The following BCLAF1 variants were observed in gnomAD, a reference collection of about 807,000 sequenced individuals.
The protein encoded by BCLAF1 is BCL2 associated transcription factor 1.
In BCLAF1, 10 loss-of-function variants were observed where a neutral mutation model predicts 99.5. The ratio of observed to expected loss-of-function variants is 0.10; its 90% CI spans 0.06 to 0.17. The LOEUF is 0.17. Among genes scored for constraint, BCLAF1 ranks in the 10% least tolerant of loss-of-function variants. The pLI is 1.00. For missense variants in BCLAF1, 636 were observed against 1,105.8 expected (o/e 0.58, Z 6.02); for synonymous variants, 255 against 370.9 (o/e 0.69, Z 3.59).
chr6:136,259,709 A>G lies in BCLAF1; in HGVS notation c.*1401T>C, dbSNP rs375793599. On this transcript the variant is annotated 3_prime_UTR_variant, in exon 13 of 13. Transcript: ENST00000531224. Reference sequence around the variant, plus strand: ...GTGCTAGACGCACTGCAAATCCTCGAAAGTGTTTAAGATGAAAGAGCAATA... The same window carrying G: ...GTGCTAGACGCACTGCAAATCCTCGGAAGTGTTTAAGATGAAAGAGCAATA... 9.2e-5 allele frequency: 14 copies of G among 152,170 alleles called. No homozygotes were observed. The East Asian group carries it at 1.5e-3, about 17-fold the overall frequency. The allele number at this position is 152,170 out of a possible 1,614,324, so 9.4% of individuals were successfully genotyped here. A position where few individuals can be genotyped will look rare whatever the true frequency, so the allele number is the denominator to read the frequency against.
At chr6:136,275,062 A>G (rs1554217302) in intron 6 of BCLAF1, among the ~76,000 whole-genome samples, 10 of 152,050 alleles carry the variant, frequency 6.6e-5, no homozygotes, top group Non-Finnish European at 2.9e-5. Flanking sequence ...AAGCGCAAAA[A>G]AAGTGTTTTT....
In BCLAF1 at chr6:136,267,105, T is replaced by G. The variant is rs1781818106; in HGVS notation, c.2468A>C (p.Asn823Thr). The G allele has an allele frequency of 6.2e-7, 1 of 1,613,322 alleles. No homozygotes were observed. The highest frequency in any genetic ancestry group is 8.5e-7 in the Non-Finnish European group (1 of 1,179,432). Residue 823 changes from asparagine (N) to threonine (T), a missense_variant, in exon 11 of 13, where the codon AAT becomes ACT. Transcript: ENST00000531224. ...AGTNTGPNNS[N>T]TTFQKRPKEE... ...CTTCGGTCTCTTTTGAAAAGTAGTATTTGAGTTGTTTGGACCAGTATTTGT... is the reference window on the plus strand; with the variant it reads ...CTTCGGTCTCTTTTGAAAAGTAGTAGTTGAGTTGTTTGGACCAGTATTTGT...
intron 1 of BCLAF1, among the ~76,000 whole-genome samples, chr6:136,285,305 T>C (rs1308495142): frequency 6.6e-6 from 1 of 152,182 alleles, no homozygotes; most frequent in Non-Finnish European, 1.5e-5. Context: ...GGGTGTGAAG[T>C]ACAGAGAGTG....
At chr6:136,266,572 ATCT>A (rs1018608950) in intron 11 of BCLAF1, among the ~76,000 whole-genome samples, 5 of 152,074 alleles carry the variant, frequency 3.3e-5, no homozygotes, top group African/African-American at 7.2e-5. Context: ...ATTTTTCATC[ATCT>A]TTTTTCTCCA....
chr6:136,270,647 G>A (rs894186091), intron 8 of BCLAF1, among the ~76,000 whole-genome samples: 3 of 151,794 alleles, frequency 2.0e-5, no homozygotes, highest in African/African-American at 7.2e-5. Flanking sequence ...ACAAGATAAT[G>A]TAAATGAAAC....
At chr6:136,266,269 T>C (rs1363264877) in intron 11 of BCLAF1, among the ~76,000 whole-genome samples, 4 of 152,072 alleles carry the variant, frequency 2.6e-5, no homozygotes, top group Non-Finnish European at 4.4e-5. Context: ...TCTTCCTCCA[T>C]GGAAGGAACT....
rs36141174 is a variant in BCLAF1 at position 136,284,130 on chromosome 6, G to GTGTA, written c.-114-1444_-114-1443insTACA. 8.4e-3 allele frequency among the ~76,000 whole-genome samples: 1,024 copies of GTGTA among 122,090 alleles called. 6 individuals carry two copies. Among genetic ancestry groups the GTGTA allele is most frequent in the African/African-American group, 0.022 (544 of 24,560 alleles). The allele number at this position is 122,090 out of a possible 152,430, so 80.1% of individuals were successfully genotyped here. On this transcript the variant is annotated intron_variant, in intron 1 of 12. Coordinates refer to ENST00000531224, the MANE Select transcript of BCLAF1 (RefSeq NM_014739.3). ...TATACATATATATGTGTGTGTGTGTGTATATATATATATATATATATATAT... is the reference window on the plus strand; with the variant it reads ...TATACATATATATGTGTGTGTGTGTGTGTATATATATATATATATATATATATAT...
chr6:136,268,112 A>G (rs372041354), intron 10 of BCLAF1, 50 bp downstream of exon 10: 273 of 1,460,546 alleles, frequency 1.9e-4, no homozygotes, highest in Non-Finnish European at 2.4e-4. Flanking sequence ...TATGTACAGT[A>G]CTCTAAGATA....
Position 136,257,864 on chromosome 6 carries a change from A to G in BCLAF1, c.*3246T>C, listed in dbSNP as rs1780547733. 6.6e-6 allele frequency: 1 copy of G among 152,138 alleles called. No individual in the cohort carries two copies. Among genetic ancestry groups the G allele is most frequent in the South Asian group, 2.1e-4 (1 of 4,838 alleles). 9.4% of individuals were successfully genotyped at this position (152,138 alleles called of 1,614,324 possible). ...ATCCCCACCAATGGGATTCCAGTTG[A>G]AACCCAGAAAAAGAAAAATAAGAAA... On this transcript the variant is annotated 3_prime_UTR_variant, in exon 13 of 13. Coordinates refer to ENST00000531224, the MANE Select transcript of BCLAF1 (RefSeq NM_014739.3).
At chr6:136,273,831 A>C (rs1283152913) in intron 6 of BCLAF1, 3 of 430,504 alleles carry the variant, frequency 7.0e-6, no homozygotes, top group African/African-American at 6.4e-5. Flanking sequence ...AATACTGATT[A>C]TTTTTAAAAC....
intron 3 of BCLAF1, 64 bp downstream of exon 3, chr6:136,279,699 G>A (rs1265535837): frequency 7.3e-6 from 10 of 1,362,864 alleles, no homozygotes; most frequent in Middle Eastern, 5.4e-4. Flanking sequence ...CTGTGTTTAC[G>A]ATACTCATTC....
Position 136,278,495 on chromosome 6 carries a change from G to C in BCLAF1, c.386C>G (p.Ser129Cys), listed in dbSNP as rs759510718. ...SVSSQRSRSR[S>C]RRSYRSSRSP... is the part of the protein sequence containing the mutation. Reference sequence around the variant, plus strand: ...CCTAGAAGATCTATATGACCGGCGAGATCTGCTTCTGGATCTTTGAGAAGA... The same window carrying C: ...CCTAGAAGATCTATATGACCGGCGACATCTGCTTCTGGATCTTTGAGAAGA... Residue 129 changes from serine to cysteine, a missense_variant, in exon 4 of 13, where the codon TCT (serine) becomes TGT (cysteine). Around this residue, in one of 9 missense-constraint regions of BCLAF1, gnomAD observed 12 missense variants for 96.3 expected, o/e 0.12. Transcript: ENST00000531224. The C allele has an allele frequency of 6.2e-7, 1 of 1,605,172 alleles. No homozygotes were observed. Among genetic ancestry groups the C allele is most frequent in the African/African-American group, 1.3e-5 (1 of 74,260 alleles).
Position 136,273,064 on chromosome 6 carries a change from G to C in BCLAF1, c.1958+18C>G. ...ATCAAAACAACGTTTTTATATGCCA[G>C]TTCAGCAGGATACATACCTGTGTAT... On this transcript the variant is annotated intron_variant, in intron 7 of 12. Coordinates refer to ENST00000531224, the MANE Select transcript of BCLAF1 (RefSeq NM_014739.3). The C allele has an allele frequency of 3.8e-6, 6 of 1,579,848 alleles. No homozygotes were observed. Among genetic ancestry groups the C allele is most frequent in the Non-Finnish European group, 4.3e-6 (5 of 1,158,496 alleles).
chr6:136,259,040 G>A lies in BCLAF1; in HGVS notation c.*2070C>T, dbSNP rs537734670. On this transcript the variant is annotated 3_prime_UTR_variant, in exon 13 of 13. Transcript: ENST00000531224. Reference sequence around the variant, plus strand: ...CTTTTATAATATCGTAAAGCGTGGAGTTAAGATGTGTTTTTAAAAAATATA... The same window carrying A: ...CTTTTATAATATCGTAAAGCGTGGAATTAAGATGTGTTTTTAAAAAATATA... 5 of 152,434 alleles carry A rather than the reference G, an allele frequency of 3.3e-5. No homozygotes were observed. The South Asian group carries it at 1.0e-3, about 32-fold the overall frequency. The allele number at this position is 152,434 out of a possible 1,614,324, so 9.4% of individuals were successfully genotyped here.
Position 136,267,155 on chromosome 6 carries a change from TCCTCTG to T in BCLAF1, c.2412_2417del (p.Gly806_Arg807del). The stretch of plus-strand genomic sequence containing the variant: ...TCCCAGCAAAAACTCCTCTGGCTCT[TCCTCTG>T]CCTCTAATTCGAAACTGATTAACAT... On this transcript the variant is annotated inframe_deletion, in exon 11 of 13. Transcript: ENST00000531224. The T allele has an allele frequency of 6.2e-7, 1 of 1,612,900 alleles. No individual in the cohort carries two copies. The highest frequency in any genetic ancestry group is 8.5e-7 in the Non-Finnish European group (1 of 1,179,214).
chr6:136,259,879 A>G lies in BCLAF1; in HGVS notation c.*1231T>C, dbSNP rs560157229. On this transcript the variant is annotated 3_prime_UTR_variant, in exon 13 of 13. Coordinates refer to ENST00000531224, the MANE Select transcript of BCLAF1 (RefSeq NM_014739.3). ...ACTTAACATTGAAATTTACTATTTT[A>G]GATTTTCACTCCTTTAAGAGCTATC... is the stretch of plus-strand genomic sequence containing the variant. 6 of 152,148 alleles carry G rather than the reference A, an allele frequency of 3.9e-5. 1 individual carries two copies. The highest frequency in any genetic ancestry group is 1.4e-4 in the African/African-American group (6 of 41,562). The allele number at this position is 152,148 out of a possible 1,614,324, so 9.4% of individuals were successfully genotyped here. A position where few individuals can be genotyped will look rare whatever the true frequency, so the allele number is the denominator to read the frequency against.
rs190670437 is a variant in BCLAF1 at position 136,272,411 on chromosome 6, T to G, written c.1959-332A>C. On this transcript the variant is annotated intron_variant, in intron 7 of 12. Coordinates refer to ENST00000531224, the MANE Select transcript of BCLAF1 (RefSeq NM_014739.3). ...AACAAACACACATGAATAGGATTAT[T>G]TGCTCCTGTCTTCAGTATTTTTAGA... Among the ~76,000 whole-genome samples the G allele has an allele frequency of 3.3e-5, 5 of 152,050 alleles. No individual in the cohort carries two copies. In the East Asian group the frequency reaches 7.7e-4, roughly 23 times the overall value.
chr6:136,284,709 T>C (rs1319098564), intron 1 of BCLAF1, among the ~76,000 whole-genome samples: 2 of 152,220 alleles, frequency 1.3e-5, no homozygotes, highest in African/African-American at 4.8e-5. Flanking sequence ...CAGGCACTAC[T>C]ATTCTAACGT....
rs905127545 is a variant in BCLAF1 at position 136,266,942 on chromosome 6, G to C, written c.2544+87C>G. Reference sequence around the variant, plus strand: ...CCACATAACGGTGAATCTTCTTATAGTAGTGGTTATCTGTACTCAAATTTA... The same window carrying C: ...CCACATAACGGTGAATCTTCTTATACTAGTGGTTATCTGTACTCAAATTTA... On this transcript the variant is annotated intron_variant, in intron 11 of 12. Transcript: ENST00000531224. The C allele has an allele frequency of 1.7e-5, 24 of 1,444,562 alleles. No individual in the cohort carries two copies. In the Middle Eastern group the frequency reaches 6.7e-4, roughly 40 times the overall value. The allele number at this position is 1,444,562 out of a possible 1,614,324, so 89.5% of individuals were successfully genotyped here. A position where few individuals can be genotyped will look rare whatever the true frequency, so the allele number is the denominator to read the frequency against.
Sources: gnomAD v4.1 joint callset for allele counts (sites outside exome capture counted in the v4.1 genomes callset) on GRCh38, gnomAD v4.1.1 for gene constraint, gnomAD v4.1.1 regional missense constraint, MANE v1.5 for transcripts, NCBI Gene and HGNC (gene_info 2026-07-23, HGNC 2026-07-21) for gene names.